The following RIMKLB variants were observed in gnomAD, a reference collection of about 807,000 sequenced individuals.
RIMKLB encodes the protein beta-citrylglutamate synthase B.
A neutral mutation model predicts 32.0 loss-of-function variants in RIMKLB; 7 were observed. The ratio of observed to expected loss-of-function variants is 0.22; its 90% CI spans 0.12 to 0.41. The LOEUF (loss-of-function observed/expected upper bound fraction) is 0.41, where lower values mean the gene tolerates loss of function less well. RIMKLB is among the 10% of genes least tolerant of loss of function. The probability of loss-of-function intolerance (pLI) is 1.00; values close to 1 mark genes in which losing one functional copy is unlikely to be tolerated. For synonymous variants in RIMKLB, 172 were observed against 185.1 expected, an observed-to-expected ratio of 0.93 and a Z score of 0.57; for missense variants, 289 against 498.7, an observed-to-expected ratio of 0.58 and a Z score of 4.00.
chr12:8,762,315 A>G (rs1422743824), intron 5 of RIMKLB, among the ~76,000 whole-genome samples: 1 of 152,192 alleles, frequency 6.6e-6, no homozygotes, highest in Non-Finnish European at 1.5e-5. Context: ...AGGAAACTAC[A>G]TCCTCGTGAG....
chr12:8,727,489 G>A (rs963816478), intron 2 of RIMKLB, among the ~76,000 whole-genome samples: 6 of 152,094 alleles, frequency 3.9e-5, no homozygotes, highest in African/African-American at 1.2e-4. Flanking sequence ...CACCCGCCTC[G>A]GCCTCCCAGA....
At chr12:8,757,470 C>CAAAAAAAAAAAATAAAA (rs1949139572) in intron 5 of RIMKLB, among the ~76,000 whole-genome samples, 1 of 71,416 alleles carries the variant, frequency 1.4e-5, no homozygotes, top group African/African-American at 4.9e-5. Flanking sequence ...GACCCTGTCT[C>CAAAAAAAAAAAATAAAA]AAAAAAAAAA....
chr12:8,676,492 G>A, the RIMKLB span, among the ~76,000 whole-genome samples: 9 of 140,566 alleles, frequency 6.4e-5, no homozygotes, highest in Admixed American at 5.5e-4. Flanking sequence ...TCTGCCTCCC[G>A]GGTTCAAGTG....
At chr12:8,730,738 C>CT (rs1471255625) in intron 2 of RIMKLB, among the ~76,000 whole-genome samples, 3 of 152,120 alleles carry the variant, frequency 2.0e-5, no homozygotes, top group Non-Finnish European at 4.4e-5. Flanking sequence ...GCAGCTCTTT[C>CT]TTTTTTTAAA....
intron 2 of RIMKLB, among the ~76,000 whole-genome samples, chr12:8,723,593 A>G (rs1056418645): frequency 3.9e-5 from 6 of 152,194 alleles, no homozygotes; most frequent in Admixed American, 6.5e-5. Context: ...AAGTTAAAGC[A>G]CAATAAAATG....
chr12:8,748,855 C>T (rs1948380504), intron 2 of RIMKLB, among the ~76,000 whole-genome samples: 1 of 151,902 alleles, frequency 6.6e-6, no homozygotes, highest in Non-Finnish European at 1.5e-5. Context: ...AGGAGAATTG[C>T]TTGAACCCAG....
At chr12:8,725,711 TC>T (rs1945917854) in intron 2 of RIMKLB, among the ~76,000 whole-genome samples, 1 of 152,222 alleles carries the variant, frequency 6.6e-6, no homozygotes, top group Non-Finnish European at 1.5e-5. Flanking sequence ...CCATCTATGT[TC>T]AGGTATGTGT....
intron 1 of RIMKLB, among the ~76,000 whole-genome samples, chr12:8,704,129 A>G (rs968944440): frequency 6.6e-6 from 1 of 152,198 alleles, no homozygotes; most frequent in South Asian, 2.1e-4. Context: ...CACGCCTGTA[A>G]TCCCAACACT....
intron 2 of RIMKLB, among the ~76,000 whole-genome samples, chr12:8,746,142 T>G (rs1390228157): frequency 6.6e-6 from 1 of 151,826 alleles, no homozygotes; most frequent in Non-Finnish European, 1.5e-5. Context: ...CCTATCTAGA[T>G]CCAAATCCAA....
chr12:8,714,508 TAATA>T (rs1357349970), intron 2 of RIMKLB, among the ~76,000 whole-genome samples: 3 of 152,210 alleles, frequency 2.0e-5, no homozygotes, highest in Admixed American at 6.5e-5. Flanking sequence ...AGTACTTGAT[TAATA>T]AATTAGATCC....
rs1591835781 is a variant in RIMKLB, at chr12:8,742,545, T to C, written c.176-7317T>C. On this transcript the variant is annotated intron_variant, in intron 2 of 5. Coordinates refer to ENST00000535829, the MANE Select transcript of RIMKLB (RefSeq NM_001297776.2). Reference sequence around the variant, plus strand: ...CCTTCACTTTCAGATGGAATATGTATCTATAAAAGAAAAAGTGATGGCATC... The same window carrying C: ...CCTTCACTTTCAGATGGAATATGTACCTATAAAAGAAAAAGTGATGGCATC... 1.4e-5 allele frequency: 5 copies of C among 358,846 alleles called. No individual in the cohort carries two copies. In the East Asian group the frequency reaches 3.9e-4, roughly 28 times the overall value. 22.2% of individuals were successfully genotyped at this position (358,846 alleles called of 1,614,324 possible).
At chr12:8,689,490 T>C (rs1171675022) in intron 1 of RIMKLB, among the ~76,000 whole-genome samples, 2 of 152,248 alleles carry the variant, frequency 1.3e-5, no homozygotes, top group Non-Finnish European at 2.9e-5. Context: ...AGAAATTATA[T>C]TTCTAACACT....
chr12:8,776,997 T>C lies in RIMKLB; in HGVS notation c.*3213T>C. 6.1e-6 allele frequency: 6 copies of C among 985,866 alleles called. No homozygotes were observed. The highest frequency in any genetic ancestry group is 7.2e-6 in the Non-Finnish European group (6 of 829,920). The allele number at this position is 985,866 out of a possible 1,614,324, so 61.1% of individuals were successfully genotyped here. A position where few individuals can be genotyped will look rare whatever the true frequency, so the allele number is the denominator to read the frequency against. On this transcript the variant is annotated 3_prime_UTR_variant, in exon 6 of 6. Transcript: ENST00000535829. ...TCTTGTGTTATACTTTTCTCCTGGC[T>C]CACTTTTTTTGAGAAGGTTTATGGG...
chr12:8,700,886 C>G (rs1464820231), intron 1 of RIMKLB, among the ~76,000 whole-genome samples: 3 of 152,080 alleles, frequency 2.0e-5, no homozygotes, highest in Non-Finnish European at 4.4e-5. Context: ...GCCAACATGG[C>G]GAAACCCTGT....
In RIMKLB at chr12:8,776,982, T is replaced by C; in HGVS notation, c.*3198T>C. On this transcript the variant is annotated 3_prime_UTR_variant, in exon 6 of 6. Coordinates refer to ENST00000535829, the MANE Select transcript of RIMKLB (RefSeq NM_001297776.2). ...CATTGTGAAATCAAATCTTGTGTTA[T>C]ACTTTTCTCCTGGCTCACTTTTTTT... 1.0e-6 allele frequency: 1 copy of C among 985,894 alleles called. No individual in the cohort carries two copies. Among genetic ancestry groups the C allele is most frequent in the African/African-American group, 1.7e-5 (1 of 57,360 alleles). 61.1% of individuals were successfully genotyped at this position (985,894 alleles called of 1,614,324 possible).
At chr12:8,765,337 G>T (rs924025617) in intron 5 of RIMKLB, among the ~76,000 whole-genome samples, 5 of 152,044 alleles carry the variant, frequency 3.3e-5, no homozygotes, top group African/African-American at 4.8e-5. Context: ...CCCAGTGAGG[G>T]TCTACACTGG....
chr12:8,770,815 T>C (rs1950340836), intron 5 of RIMKLB, among the ~76,000 whole-genome samples: 1 of 152,118 alleles, frequency 6.6e-6, no homozygotes, highest in South Asian at 2.1e-4. Flanking sequence ...CCTCACCCCC[T>C]TCAGACACCA....
downstream of RIMKLB, among the ~76,000 whole-genome samples, chr12:8,781,833 A>G (rs1040454305): frequency 2.6e-5 from 4 of 152,230 alleles, no homozygotes; most frequent in Admixed American, 1.3e-4. Context: ...GAATTAAAGA[A>G]TGTAAATTTC....
intron 2 of RIMKLB, among the ~76,000 whole-genome samples, chr12:8,728,281 T>C (rs1946220560): frequency 6.6e-6 from 1 of 152,214 alleles, no homozygotes; most frequent in Non-Finnish European, 1.5e-5. Context: ...TGTTTTTGCC[T>C]TTTCAGATAA....
Sources: gnomAD v4.1 joint callset for allele counts (sites outside exome capture counted in the v4.1 genomes callset) on GRCh38, gnomAD v4.1.1 for gene constraint, MANE v1.5 for transcripts, NCBI Gene and HGNC (gene_info 2026-07-23, HGNC 2026-07-21) for gene names.